The following TEX101 variants were observed in gnomAD, a reference collection of about 807,000 sequenced individuals.
TEX101 encodes testis expressed 101.
TEX101 carries 10 observed loss-of-function variants against 18.1 expected under a neutral mutation model. That is an observed-to-expected ratio of 0.55 (90% CI 0.34 to 0.94). The LOEUF (loss-of-function observed/expected upper bound fraction) is 0.94. Among genes scored for constraint, TEX101 ranks in the 40% least tolerant of loss-of-function variants. The pLI, the probability that TEX101 is intolerant of heterozygous loss-of-function variation, is 0.02. For synonymous variants in TEX101, 94 were observed against 114.8 expected, an observed-to-expected ratio of 0.82 and a Z score of 1.16; for missense variants, 259 against 298.9, an observed-to-expected ratio of 0.87 and a Z score of 0.98.
chr19:43,397,910 A>G (rs1288950322), upstream of TEX101, among the ~76,000 whole-genome samples: 7 of 70,720 alleles, frequency 9.9e-5, no homozygotes, highest in East Asian at 3.1e-3. Flanking sequence ...TAATATATAA[A>G]AATATATATT....
upstream of TEX101, among the ~76,000 whole-genome samples, chr19:43,400,931 AT>A (rs1249342855): frequency 1.3e-5 from 2 of 152,084 alleles, no homozygotes; most frequent in African/African-American, 4.8e-5. Context: ...GTTTTTTTAA[AT>A]ATTTTAAAAG....
At chr19:43,410,224 A>C (rs557917034), upstream of TEX101, among the ~76,000 whole-genome samples, 1 of 152,300 alleles carries the variant, frequency 6.6e-6, no homozygotes, top group Non-Finnish European at 1.5e-5. Context: ...GAGCTGCACG[A>C]TGCTTATGCC....
chr19:43,389,781 A>T, the TEX101 span, among the ~76,000 whole-genome samples: 2 of 152,010 alleles, frequency 1.3e-5, no homozygotes, highest in Non-Finnish European at 2.9e-5. Context: ...CTTTATGTCC[A>T]GTGGTCACTC....
chr19:43,411,046 A>G (rs143002303), upstream of TEX101, among the ~76,000 whole-genome samples: 5 of 151,948 alleles, frequency 3.3e-5, no homozygotes, highest in Non-Finnish European at 5.9e-5. Flanking sequence ...CCAGCCTAGA[A>G]TCTTACTTGA....
chr19:43,415,192 G>A (rs1970460070), intron 1 of TEX101, among the ~76,000 whole-genome samples, 154 bp downstream of exon 1: 1 of 151,764 alleles, frequency 6.6e-6, no homozygotes, highest in Non-Finnish European at 1.5e-5. Flanking sequence ...ATAGGACGGG[G>A]CTGGGCTCTC....
chr19:43,408,454 G>A (rs1308008052), intron 3 of TEX101, among the ~76,000 whole-genome samples: 2 of 152,188 alleles, frequency 1.3e-5, no homozygotes, highest in African/African-American at 4.8e-5. Context: ...GGGAGGAGAA[G>A]AGGGTCCGGC....
At chr19:43,396,269 G>T in the TEX101 span, among the ~76,000 whole-genome samples, 1 of 152,174 alleles carries the variant, frequency 6.6e-6, no homozygotes, top group South Asian at 2.1e-4. Context: ...CGGCAGGGAA[G>T]GTTTCCTAGA....
chr19:43,415,090 G>A (rs1386652375), intron 1 of TEX101, 52 bp downstream of exon 1: 1 of 983,780 alleles, frequency 1.0e-6, no homozygotes, highest in Non-Finnish European at 1.2e-6. Context: ...ACGAGGGTTG[G>A]GGGCCTGGGC....
chr19:43,407,007 C>T (rs1008700478), intron 3 of TEX101, among the ~76,000 whole-genome samples: 5 of 148,840 alleles, frequency 3.4e-5, no homozygotes, highest in Admixed American at 1.4e-4. Flanking sequence ...TTGCTCACTG[C>T]GCTATGTGAG....
upstream of TEX101, among the ~76,000 whole-genome samples, chr19:43,398,785 A>C (rs1427033525): frequency 1.3e-5 from 2 of 152,182 alleles, no homozygotes; most frequent in Non-Finnish European, 2.9e-5. Context: ...AAATCATGAG[A>C]GAGATTATAG....
chr19:43,394,581 C>T, the TEX101 span, among the ~76,000 whole-genome samples: 1 of 152,050 alleles, frequency 6.6e-6, no homozygotes, highest in African/African-American at 2.4e-5. Context: ...AGCGATTCTC[C>T]TGCCTCGGCC....
At chr19:43,406,478 G>C (rs1330311046) in exon 3 of TEX101, 2 of 767,858 alleles carry the variant, frequency 2.6e-6, no homozygotes, top group African/African-American at 1.7e-5. Context: ...ATCGGTGGGC[G>C]GTCCCGCCTC....
intron 3 of TEX101, among the ~76,000 whole-genome samples, chr19:43,409,187 A>C (rs768553360): frequency 1.5e-4 from 23 of 152,186 alleles, no homozygotes; most frequent in Non-Finnish European, 2.6e-4. Context: ...CCGCAGAAGA[A>C]AGTGATGTAG....
At chr19:43,407,759 T>G (rs1178815182) in intron 3 of TEX101, among the ~76,000 whole-genome samples, 2 of 152,220 alleles carry the variant, frequency 1.3e-5, no homozygotes, top group African/African-American at 4.8e-5. Context: ...AAGCCTCGGC[T>G]GGCCTGGGAT....
chr19:43,398,754 T>C (rs1970295285), upstream of TEX101, among the ~76,000 whole-genome samples: 1 of 152,204 alleles, frequency 6.6e-6, no homozygotes. Context: ...CGTTGTTTAC[T>C]AGTAAGATAC....
At chr19:43,389,503 C>G in the TEX101 span, among the ~76,000 whole-genome samples, 3 of 152,216 alleles carry the variant, frequency 2.0e-5, no homozygotes, top group Non-Finnish European at 4.4e-5. Flanking sequence ...GCCAGAAGAT[C>G]TTGACCGGAG....
intron 3 of TEX101, among the ~76,000 whole-genome samples, chr19:43,408,934 C>G (rs1306569009): frequency 1.3e-5 from 2 of 152,222 alleles, no homozygotes. Flanking sequence ...CCCGTGGAGG[C>G]CTGGTGCTAC....
At chr19:43,403,412 A>G (rs1970334468) in intron 2 of TEX101, among the ~76,000 whole-genome samples, 1 of 152,120 alleles carries the variant, frequency 6.6e-6, no homozygotes, top group South Asian at 2.1e-4. Flanking sequence ...CAATGAGAAC[A>G]CTTGGACACC....
chr19:43,410,534 C>A (rs955036248), upstream of TEX101, among the ~76,000 whole-genome samples: 3 of 151,988 alleles, frequency 2.0e-5, no homozygotes, highest in Non-Finnish European at 2.9e-5. Context: ...ATACGGAGGG[C>A]CTGAGGTATG....
Sources: gnomAD v4.1 joint callset for allele counts (sites outside exome capture counted in the v4.1 genomes callset) on GRCh38, gnomAD v4.1.1 for gene constraint, MANE v1.5 for transcripts, NCBI Gene and HGNC (gene_info 2026-07-23, HGNC 2026-07-21) for gene names.